The following MECOM variants were observed in gnomAD, a reference collection of about 807,000 sequenced individuals.
MECOM encodes the protein histone-lysine N-methyltransferase MECOM.
MECOM carries 13 observed loss-of-function variants against 116.3 expected under a neutral mutation model. That is an observed-to-expected ratio of 0.11 (90% CI 0.07 to 0.18). The LOEUF (loss-of-function observed/expected upper bound fraction) is 0.18. Ranked by LOEUF, MECOM falls within the 10% of genes least tolerant of loss-of-function variation. MECOM has a pLI of 1.00. For missense variants in MECOM, 1,299 were observed against 1,509.0 expected (o/e 0.86, Z 2.31); for synonymous variants, 528 against 535.2 (o/e 0.99, Z 0.19).
chr3:169,189,642 A>C (rs1278889811), intron 2 of MECOM, among the ~76,000 whole-genome samples: 1 of 152,004 alleles, frequency 6.6e-6, no homozygotes, highest in Non-Finnish European at 1.5e-5. Flanking sequence ...TCTGTGAGTA[A>C]TTTCTCCAGT....
intron 1 of MECOM, among the ~76,000 whole-genome samples, chr3:169,595,908 C>A (rs1039466873): frequency 2.3e-4 from 33 of 144,768 alleles, no homozygotes; most frequent in Admixed American, 2.3e-3. Context: ...AACATCAAAT[C>A]CAAATACAAA....
At chr3:169,170,704 AGGATT>A in intron 2 of MECOM, among the ~76,000 whole-genome samples, 1 of 152,196 alleles carries the variant, frequency 6.6e-6, no homozygotes, top group East Asian at 1.9e-4. Context: ...TAATTTACAT[AGGATT>A]GGGAGAACTA....
At chr3:169,498,320 A>G (rs1754089557) in intron 1 of MECOM, among the ~76,000 whole-genome samples, 1 of 152,244 alleles carries the variant, frequency 6.6e-6, no homozygotes, top group Non-Finnish European at 1.5e-5. Context: ...GTACATGCCA[A>G]AATTGCCCCC....
At chr3:169,350,346 C>T (rs1015631296) in intron 2 of MECOM, among the ~76,000 whole-genome samples, 5 of 151,984 alleles carry the variant, frequency 3.3e-5, no homozygotes, top group African/African-American at 1.2e-4. Flanking sequence ...CCTTCAGTGT[C>T]CTCATTTATA....
chr3:169,407,325 C>T (rs562383897), intron 1 of MECOM, among the ~76,000 whole-genome samples: 2 of 152,316 alleles, frequency 1.3e-5, no homozygotes, highest in Admixed American at 1.3e-4. Flanking sequence ...GTTCAACCAA[C>T]TCCAGGTAAT....
intron 2 of MECOM, among the ~76,000 whole-genome samples, chr3:169,343,612 A>G (rs560393476): frequency 1.7e-4 from 26 of 152,348 alleles, no homozygotes; most frequent in Admixed American, 1.2e-3. Context: ...AAACAAATAG[A>G]AAATTGTCAG....
chr3:169,639,262 T>G (rs948340491), intron 1 of MECOM, among the ~76,000 whole-genome samples: 1 of 152,194 alleles, frequency 6.6e-6, no homozygotes, highest in South Asian at 2.1e-4. Flanking sequence ...GAGATGGGCA[T>G]GTATCCCACG....
intron 2 of MECOM, among the ~76,000 whole-genome samples, chr3:169,379,483 C>G (rs956702083): frequency 1.3e-5 from 2 of 151,800 alleles, no homozygotes; most frequent in Admixed American, 1.3e-4. Context: ...AATCATTTTA[C>G]ATTTCTCAAG....
intron 2 of MECOM, among the ~76,000 whole-genome samples, chr3:169,172,443 G>GTGTGTGTGTGTA (rs1491201932): frequency 6.7e-6 from 1 of 148,582 alleles, no homozygotes; most frequent in South Asian, 2.1e-4. Context: ...GTGTGTGTGT[G>GTGTGTGTGTGTA]TATACATATA....
chr3:169,597,837 G>A (rs1377713696), intron 1 of MECOM, among the ~76,000 whole-genome samples: 2 of 152,188 alleles, frequency 1.3e-5, no homozygotes, highest in Admixed American at 6.6e-5. Context: ...ATAGGAGCCT[G>A]TTATTATTAA....
At chr3:169,148,484 A>T (rs1560281726) in intron 2 of MECOM, among the ~76,000 whole-genome samples, 1 of 152,248 alleles carries the variant, frequency 6.6e-6, no homozygotes, top group Non-Finnish European at 1.5e-5. Flanking sequence ...ACTTTGTAAG[A>T]TTTAGTAAAT....
chr3:169,467,352 C>T (rs1748467916), intron 1 of MECOM, among the ~76,000 whole-genome samples: 1 of 152,092 alleles, frequency 6.6e-6, no homozygotes, highest in African/African-American at 2.4e-5. Context: ...GTTATGTCCT[C>T]CTACCTGACT....
intron 1 of MECOM, among the ~76,000 whole-genome samples, chr3:169,584,984 T>A (rs1283354374): frequency 3.3e-5 from 5 of 152,260 alleles, no homozygotes; most frequent in Non-Finnish European, 7.3e-5. Flanking sequence ...AGAATGATGC[T>A]GACTAGTTGT....
At chr3:169,217,436 C>T (rs534661042) in intron 2 of MECOM, among the ~76,000 whole-genome samples, 2 of 152,068 alleles carry the variant, frequency 1.3e-5, no homozygotes, top group African/African-American at 2.4e-5. Flanking sequence ...TTAGCATTTT[C>T]GTAAATTATG....
chr3:169,471,921 T>C (rs949839776), intron 1 of MECOM, among the ~76,000 whole-genome samples: 1 of 152,250 alleles, frequency 6.6e-6, no homozygotes, highest in African/African-American at 2.4e-5. Context: ...TTAGCAACCA[T>C]GTTTTGTTGT....
intron 10 of MECOM, among the ~76,000 whole-genome samples, chr3:169,102,431 G>T (rs1403499576): frequency 6.6e-6 from 1 of 152,186 alleles, no homozygotes; most frequent in Admixed American, 6.5e-5. Flanking sequence ...CTTATAAAAT[G>T]CTGAGCGAAC....
Position 169,244,367 on chromosome 3 carries a change from C to T in MECOM, c.376-100535G>A, listed in dbSNP as rs538639088. On this transcript the variant is annotated intron_variant, in intron 2 of 16. Coordinates refer to ENST00000651503, the MANE Select transcript of MECOM (RefSeq NM_004991.4). ...CTGTGGCATGCACAAGTTTGGGAGC[C>T]GGAGCTACAGTTGGCTTAACATCTG... is the stretch of plus-strand genomic sequence containing the variant. Among the ~76,000 whole-genome samples, 6 of 152,288 alleles carry T rather than the reference C, an allele frequency of 3.9e-5. No homozygotes were observed. The East Asian group carries it at 7.7e-4, about 20-fold the overall frequency.
At chr3:169,262,442 C>A (rs1369691788) in intron 2 of MECOM, among the ~76,000 whole-genome samples, 1 of 152,198 alleles carries the variant, frequency 6.6e-6, no homozygotes, top group Non-Finnish European at 1.5e-5. Context: ...AAAGTTGTCT[C>A]AAATTTTCCC....
At chr3:169,619,575 C>T (rs548076877) in intron 1 of MECOM, among the ~76,000 whole-genome samples, 24 of 152,228 alleles carry the variant, frequency 1.6e-4, no homozygotes, top group African/African-American at 5.3e-4. Flanking sequence ...AGGCCACCAC[C>T]GAGCCTTAAT....
Sources: allele counts gnomAD v4.1 joint callset (sites outside exome capture counted in the v4.1 genomes callset), GRCh38; gene constraint gnomAD v4.1.1; transcripts MANE v1.5; gene names NCBI Gene and HGNC (gene_info 2026-07-23, HGNC 2026-07-21).